Variants in ATG7 observed in about 807,000 individuals in gnomAD.
ATG7 encodes the protein autophagy related 7, also known as ubiquitin-like modifier-activating enzyme ATG7.
Under a neutral mutation model 82.4 loss-of-function variants are expected in ATG7, and 70 were observed. The observed-to-expected ratio is 0.85, with a 90% CI of 0.70 to 1.04. The LOEUF (loss-of-function observed/expected upper bound fraction) is 1.04. ATG7 is among the 50% of genes least tolerant of loss of function. ATG7 has a pLI of 0.00. For synonymous variants in ATG7, 287 were observed against 313.0 expected (o/e 0.92, Z 0.88); for missense variants, 792 against 864.3 (o/e 0.92, Z 1.05).
At chr3:11,337,709 T>G (rs190615733) in intron 11 of ATG7, among the ~76,000 whole-genome samples, 1 of 152,220 alleles carries the variant, frequency 6.6e-6, no homozygotes, top group East Asian at 1.9e-4. Flanking sequence ...CTTGAACTCC[T>G]GGGCTAAATC....
At chr3:11,348,062 T>G in intron 14 of ATG7, 27 bp downstream of exon 14, 2 of 1,604,230 alleles carry the variant, frequency 1.2e-6, no homozygotes, top group Non-Finnish European at 1.7e-6. Context: ...GCAGAGGTTT[T>G]CTGTTATATG....
intron 19 of ATG7, among the ~76,000 whole-genome samples, chr3:11,380,619 T>C (rs940478581): frequency 1.3e-5 from 2 of 152,184 alleles, no homozygotes; most frequent in African/African-American, 4.8e-5. Context: ...GCATCTCGTG[T>C]TTTAATAGGC....
At chr3:11,477,061 T>C in intron 20 of ATG7, 21 of 1,267,824 alleles carry the variant, frequency 1.7e-5, no homozygotes, top group Non-Finnish European at 2.2e-5. Context: ...TTGATTATAA[T>C]TATTTAACTG....
intron 19 of ATG7, among the ~76,000 whole-genome samples, chr3:11,413,997 T>C (rs2152921177): frequency 9.1e-6 from 1 of 109,354 alleles, no homozygotes; most frequent in South Asian, 2.9e-4. Flanking sequence ...ATCTAGGTTA[T>C]GGTATTAGGT....
chr3:11,481,911 G>A (rs1489265327), intron 20 of ATG7, among the ~76,000 whole-genome samples: 1 of 152,184 alleles, frequency 6.6e-6, no homozygotes, highest in African/African-American at 2.4e-5. Flanking sequence ...CCAAACACGG[G>A]AATGTTTGTG....
chr3:11,422,769 T>TTTTTTG lies in ATG7; in HGVS notation c.1957-4035_1957-4034insTTTTTG, dbSNP rs1386943052. On this transcript the variant is annotated intron_variant, in intron 19 of 20. Coordinates refer to ENST00000693202, the MANE Select transcript of ATG7 (RefSeq NM_001349232.2). ...TTTTTTTTTTTTTTTTTTTTTTTTTTGGAGACAGAGTCTCACTCCGTTGCC... is the reference window on the plus strand; with the variant it reads ...TTTTTTTTTTTTTTTTTTTTTTTTTTTTTTTGGGAGACAGAGTCTCACTCCGTTGCC... Among the ~76,000 whole-genome samples, 42 of 102,698 alleles carry TTTTTTG rather than the reference T, an allele frequency of 4.1e-4. 7 individuals are homozygous for TTTTTTG. The highest frequency in any genetic ancestry group is 1.3e-3 in the African/African-American group (34 of 25,272). The allele number at this position is 102,698 out of a possible 152,430, so 67.4% of individuals were successfully genotyped here.
chr3:11,299,772 G>A (rs181703708), intron 5 of ATG7, among the ~76,000 whole-genome samples: 16 of 152,246 alleles, frequency 1.1e-4, no homozygotes, highest in Admixed American at 7.8e-4. Context: ...TTGTCCATGG[G>A]CATTGATCAA....
intron 20 of ATG7, among the ~76,000 whole-genome samples, chr3:11,456,481 G>A (rs922391783): frequency 1.1e-4 from 17 of 152,116 alleles, no homozygotes; most frequent in African/African-American, 4.1e-4. Context: ...ACACGTTTTT[G>A]TTGTTTTGGG....
At chr3:11,419,843 A>AC (rs2081773776) in intron 19 of ATG7, among the ~76,000 whole-genome samples, 1 of 152,148 alleles carries the variant, frequency 6.6e-6, no homozygotes, top group Non-Finnish European at 1.5e-5. Context: ...CATAGAGAAA[A>AC]CCTAGCCTCC....
chr3:11,456,595 A>T (rs1004785872), intron 20 of ATG7, among the ~76,000 whole-genome samples: 6 of 152,192 alleles, frequency 3.9e-5, no homozygotes, highest in Admixed American at 2.0e-4. Flanking sequence ...TGTTTCGCTT[A>T]ACACTAATAC....
the ATG7 span, among the ~76,000 whole-genome samples, chr3:11,563,031 T>C: frequency 2.6e-5 from 4 of 152,234 alleles, no homozygotes; most frequent in Non-Finnish European, 5.9e-5. Context: ...AGTTCAGTTT[T>C]TGCAAAGCAA....
chr3:11,523,963 C>T (rs935745122), intron 20 of ATG7, among the ~76,000 whole-genome samples: 1 of 152,226 alleles, frequency 6.6e-6, no homozygotes, highest in Non-Finnish European at 1.5e-5. Context: ...TGTCTAGAGC[C>T]ATTGCGCTCT....
chr3:11,427,799 T>C (rs956667308), intron 20 of ATG7, among the ~76,000 whole-genome samples: 1 of 144,052 alleles, frequency 6.9e-6, no homozygotes, highest in African/African-American at 2.6e-5. Context: ...CGGGCGACGG[T>C]GCGAGACTCC....
At chr3:11,457,706 C>A (rs1178853114) in intron 20 of ATG7, among the ~76,000 whole-genome samples, 2 of 152,074 alleles carry the variant, frequency 1.3e-5, no homozygotes, top group Non-Finnish European at 2.9e-5. Flanking sequence ...GTGTGCCCCT[C>A]GCTTATGGGT....
chr3:11,343,591 A>G (rs1295427398), intron 13 of ATG7, among the ~76,000 whole-genome samples: 1 of 152,046 alleles, frequency 6.6e-6, no homozygotes, highest in Non-Finnish European at 1.5e-5. Context: ...TATATGTGTC[A>G]GTCTTTTCCT....
intron 14 of ATG7, among the ~76,000 whole-genome samples, chr3:11,352,521 C>T (rs2075639518): frequency 6.6e-6 from 1 of 152,148 alleles, no homozygotes. Context: ...CTGTTGTTTC[C>T]TGACTTTTTA....
chr3:11,548,364 C>CCTTGGAAGCACAAAAATTTTAAATTTTGA, intron 20 of ATG7, among the ~76,000 whole-genome samples: 1 of 152,072 alleles, frequency 6.6e-6, no homozygotes, highest in Non-Finnish European at 1.5e-5. Context: ...TTAATAGTGT[C>CCTTGGAAGCACAAAAATTTTAAATTTTGA]CTTGGAAGCA....
chr3:11,435,660 G>A (rs988701934), intron 20 of ATG7, among the ~76,000 whole-genome samples: 16 of 152,128 alleles, frequency 1.1e-4, no homozygotes, highest in Admixed American at 4.6e-4. Flanking sequence ...TGTGTGGGCC[G>A]TGTCAGGCAG....
chr3:11,377,218 A>C (rs1219585192), intron 18 of ATG7, among the ~76,000 whole-genome samples: 26 of 152,178 alleles, frequency 1.7e-4, no homozygotes. Flanking sequence ...TCCTGTCTTG[A>C]ATTATCTAAA....
Sources: allele counts gnomAD v4.1 joint callset (sites outside exome capture counted in the v4.1 genomes callset), GRCh38; gene constraint gnomAD v4.1.1; transcripts MANE v1.5; gene names NCBI Gene and HGNC (gene_info 2026-07-23, HGNC 2026-07-21).